Variants in GPHN observed in about 807,000 individuals in gnomAD.
GPHN encodes gephyrin.
GPHN carries 17 observed loss-of-function variants against 95.5 expected under a neutral mutation model. The ratio of observed to expected loss-of-function variants is 0.18; its 90% confidence interval spans 0.12 to 0.27. GPHN has a LOEUF of 0.27. Ranked by LOEUF, GPHN falls within the 10% of genes least tolerant of loss-of-function variation. GPHN has a pLI of 1.00. For synonymous variants in GPHN, 320 were observed against 322.5 expected (o/e 0.99, Z 0.08); for missense variants, 660 against 978.1 (o/e 0.67, Z 4.34).
At chr14:67,486,351 T>G in the GPHN span, among the ~76,000 whole-genome samples, 4 of 152,268 alleles carry the variant, frequency 2.6e-5, no homozygotes, top group Non-Finnish European at 5.9e-5. Context: ...CTTGGCTCAC[T>G]GCAACCTCTG....
At chr14:67,554,659 G>A in the GPHN span, among the ~76,000 whole-genome samples, 4 of 152,190 alleles carry the variant, frequency 2.6e-5, no homozygotes, top group Non-Finnish European at 5.9e-5. Context: ...CCTGGCAGGG[G>A]AAGAATGGGA....
chr14:67,578,397 T>C, the GPHN span: 1 of 772,928 alleles, frequency 1.3e-6, no homozygotes, highest in Non-Finnish European at 2.2e-6. The surrounding 1 kb of genome is among the most constrained non-coding windows in gnomAD (Gnocchi z 5.0). Context: ...CTGACCAAGT[T>C]GGCCATCCCA....
intron 1 of GPHN, among the ~76,000 whole-genome samples, chr14:66,652,007 T>G (rs2065066697): frequency 6.6e-6 from 1 of 152,084 alleles, no homozygotes; most frequent in African/African-American, 2.4e-5. Flanking sequence ...CCACCCCCAG[T>G]TCACGGAAAC....
intron 1 of GPHN, among the ~76,000 whole-genome samples, chr14:66,575,890 T>A (rs2140411800): frequency 6.6e-6 from 1 of 152,024 alleles, no homozygotes; most frequent in East Asian, 1.9e-4. Flanking sequence ...TCTGAATCCA[T>A]GGGAACTGGC....
chr14:67,039,928 C>T (rs145253133), intron 10 of GPHN, among the ~76,000 whole-genome samples: 3 of 152,254 alleles, frequency 2.0e-5, no homozygotes, highest in African/African-American at 7.2e-5. Flanking sequence ...CTAGACTGTA[C>T]TGTGTGCATA....
chr14:67,436,385 C>T, the GPHN span, among the ~76,000 whole-genome samples: 1 of 152,196 alleles, frequency 6.6e-6, no homozygotes, highest in African/African-American at 2.4e-5. Context: ...AGGGAGAATA[C>T]AAAGTCCTCC....
the GPHN span, chr14:67,323,909 G>A: frequency 3.1e-6 from 2 of 652,988 alleles, no homozygotes. Flanking sequence ...ATTAGCTTGA[G>A]CTTTCAAACT....
the GPHN span, among the ~76,000 whole-genome samples, chr14:67,706,471 G>C: frequency 6.6e-6 from 1 of 152,166 alleles, no homozygotes; most frequent in Non-Finnish European, 1.5e-5. Context: ...GGAGACACGG[G>C]ACATCAATCA....
chr14:66,604,202 G>T (rs533181571), intron 1 of GPHN, among the ~76,000 whole-genome samples: 2 of 152,054 alleles, frequency 1.3e-5, no homozygotes, highest in African/African-American at 2.4e-5. Context: ...AATATAGGTG[G>T]TAGTATCATG....
intron 10 of GPHN, among the ~76,000 whole-genome samples, chr14:67,056,908 G>C (rs532234516): frequency 6.6e-5 from 10 of 152,300 alleles, no homozygotes; most frequent in African/African-American, 2.4e-4. Flanking sequence ...GGGCGCTCGC[G>C]GGTCGGCAAT....
At chr14:67,498,983 A>ATTTG in the GPHN span, among the ~76,000 whole-genome samples, 1 of 150,114 alleles carries the variant, frequency 6.7e-6, no homozygotes, top group Non-Finnish European at 1.5e-5. Flanking sequence ...CAATGGTTTT[A>ATTTG]TTTATTTATT....
chr14:67,199,891 G>A, the GPHN span: 5 of 1,485,104 alleles, frequency 3.4e-6, no homozygotes, highest in Non-Finnish European at 3.6e-6. Flanking sequence ...CCCCCCATCG[G>A]CAGGAACCCC....
At chr14:67,004,363 C>G (rs1457891898) in intron 9 of GPHN, among the ~76,000 whole-genome samples, 2 of 151,678 alleles carry the variant, frequency 1.3e-5, no homozygotes, top group Non-Finnish European at 3.0e-5. Flanking sequence ...AATAAGTCAG[C>G]AAGCATTTAT....
the GPHN span, among the ~76,000 whole-genome samples, chr14:67,191,667 C>T: frequency 3.9e-5 from 6 of 152,296 alleles, no homozygotes; most frequent in East Asian, 3.9e-4. Context: ...CCTAATGGAG[C>T]CTTGATCATC....
In GPHN at chr14:66,683,751, G is replaced by T. The variant is rs372093928; in HGVS notation, c.143+2566G>T. On this transcript the variant is annotated intron_variant, in intron 2 of 22. Coordinates refer to ENST00000478722, the MANE Select transcript of GPHN (RefSeq NM_020806.5). ...CCAGCACTTTGGGAGGCCGAGGTGG[G>T]CGGATCATGAGGTCAGGAGATCGAG... Among the ~76,000 whole-genome samples, 15 of 151,708 alleles carry T rather than the reference G, an allele frequency of 9.9e-5. No homozygotes were observed. In the East Asian group the frequency reaches 1.9e-3, roughly 20 times the overall value.
the GPHN span, among the ~76,000 whole-genome samples, chr14:67,621,201 C>T: frequency 1.3e-5 from 2 of 152,128 alleles, no homozygotes; most frequent in African/African-American, 4.8e-5. Context: ...GTCTGAACAG[C>T]TGTCAGGGAA....
At chr14:67,271,119 C>T in the GPHN span, 7 of 152,186 alleles carry the variant, frequency 4.6e-5, no homozygotes, top group Non-Finnish European at 8.8e-5. Context: ...GTGGTTTGCT[C>T]ATATACTTAA....
intron 10 of GPHN, among the ~76,000 whole-genome samples, chr14:67,041,380 C>A (rs529422030): frequency 4.6e-5 from 7 of 151,960 alleles, no homozygotes; most frequent in Non-Finnish European, 1.0e-4. Flanking sequence ...CCCCCACCCC[C>A]CAACAGGCCC....
chr14:67,695,749 T>C, the GPHN span: 2 of 1,570,942 alleles, frequency 1.3e-6, no homozygotes, highest in Non-Finnish European at 1.7e-6. Flanking sequence ...CCAGCGTTGC[T>C]CGCCGACTAT....
Sources: allele counts gnomAD v4.1 joint callset (sites outside exome capture counted in the v4.1 genomes callset), GRCh38; gene constraint gnomAD v4.1.1; non-coding constraint Gnocchi (gnomAD v3.1); transcripts MANE v1.5; gene names NCBI Gene and HGNC (gene_info 2026-07-23, HGNC 2026-07-21).